PATJ: variants seen among roughly 807,000 people sequenced by gnomAD.
The protein encoded by PATJ is PATJ crumbs cell polarity complex component.
In PATJ, 190 loss-of-function variants were observed where a neutral mutation model predicts 224.9. The ratio of observed to expected loss-of-function variants is 0.84; its 90% confidence interval spans 0.75 to 0.95. PATJ has a LOEUF of 0.95. Ranked by LOEUF, PATJ falls within the 40% of genes least tolerant of loss-of-function variation. PATJ has a pLI of 0.00. For missense variants in PATJ, 2,121 were observed against 2,270.3 expected, an observed-to-expected ratio of 0.93 and a Z score of 1.34; for synonymous variants, 769 against 820.3, an observed-to-expected ratio of 0.94 and a Z score of 1.07.
chr1:62,014,468 A>G (rs1488537643), intron 28 of PATJ, among the ~76,000 whole-genome samples: 1 of 152,150 alleles, frequency 6.6e-6, no homozygotes, highest in Non-Finnish European at 1.5e-5. Context: ...ATACTATTTT[A>G]AAACTTGGTT....
At chr1:61,899,134 G>A (rs568405663) in intron 22 of PATJ, among the ~76,000 whole-genome samples, 33 of 152,170 alleles carry the variant, frequency 2.2e-4, no homozygotes, top group Admixed American at 1.8e-3. Context: ...CAAATGACGG[G>A]GAAATACTTA....
chr1:61,928,791 G>A (rs1235852222), intron 27 of PATJ, among the ~76,000 whole-genome samples: 4 of 149,846 alleles, frequency 2.7e-5, no homozygotes, highest in African/African-American at 7.3e-5. Flanking sequence ...ATATAATAAC[G>A]AATATATAAA....
intron 24 of PATJ, among the ~76,000 whole-genome samples, chr1:61,905,497 T>C (rs1671737194): frequency 6.6e-6 from 1 of 152,258 alleles, no homozygotes; most frequent in Non-Finnish European, 1.5e-5. Context: ...CATTCACCCA[T>C]TGAAAGACAC....
chr1:61,883,688 G>A (rs1378750165), intron 21 of PATJ, among the ~76,000 whole-genome samples: 2 of 150,988 alleles, frequency 1.3e-5, no homozygotes, highest in East Asian at 1.9e-4. Context: ...TCCGGGAGGC[G>A]GAGGTTGCAG....
At chr1:62,088,000 TCC>T in intron 33 of PATJ, among the ~76,000 whole-genome samples, 1 of 146,516 alleles carries the variant, frequency 6.8e-6, no homozygotes, top group Non-Finnish European at 1.5e-5. Flanking sequence ...CAAGCGATTC[TCC>T]TGCCTCAGCC....
chr1:62,033,969 C>T (rs74079637), intron 29 of PATJ, among the ~76,000 whole-genome samples: 3,299 of 152,254 alleles, frequency 0.022, 109 homozygotes, highest in African/African-American at 0.075. Context: ...GCAATGAGGA[C>T]ACACATGCAG....
chr1:62,054,315 A>G (rs1240861549), intron 31 of PATJ: 1 of 431,016 alleles, frequency 2.3e-6, no homozygotes, highest in Admixed American at 2.5e-5. Flanking sequence ...GTAAGCTGTG[A>G]TTGTGCCACT....
chr1:62,082,387 T>A (rs531711650), intron 32 of PATJ, among the ~76,000 whole-genome samples: 5 of 152,244 alleles, frequency 3.3e-5, no homozygotes, highest in Non-Finnish European at 7.3e-5. Context: ...ATTTTTCTGA[T>A]GAGAAGTGAG....
intron 32 of PATJ, among the ~76,000 whole-genome samples, chr1:62,080,186 G>A (rs1017379020): frequency 2.6e-5 from 4 of 152,264 alleles, no homozygotes; most frequent in African/African-American, 9.6e-5. Context: ...CCCTGCAAAT[G>A]TTGCTTTAAG....
intron 27 of PATJ, among the ~76,000 whole-genome samples, chr1:61,929,563 G>C (rs1675710956): frequency 6.6e-6 from 1 of 152,306 alleles, no homozygotes; most frequent in East Asian, 1.9e-4. Flanking sequence ...TACTAACTTT[G>C]TGAAGTTCTA....
At chr1:61,748,765 C>G (rs1645165019) in intron 1 of PATJ, among the ~76,000 whole-genome samples, 1 of 151,818 alleles carries the variant, frequency 6.6e-6, no homozygotes, top group South Asian at 2.1e-4. Flanking sequence ...CACAAGGGTT[C>G]CTCCCACCTC....
intron 34 of PATJ, among the ~76,000 whole-genome samples, chr1:62,111,884 A>G (rs1663864840): frequency 6.7e-6 from 1 of 149,352 alleles, no homozygotes; most frequent in Admixed American, 6.7e-5. Flanking sequence ...CTGGTCTTGA[A>G]CTCCTGACCT....
intron 1 of PATJ, among the ~76,000 whole-genome samples, chr1:61,758,402 G>A (rs1179817894): frequency 6.6e-6 from 1 of 152,144 alleles, no homozygotes; most frequent in Non-Finnish European, 1.5e-5. Flanking sequence ...AGGCTGGAGT[G>A]CAGTGGCATG....
chr1:61,922,336 G>A (rs1482124602), intron 26 of PATJ, among the ~76,000 whole-genome samples: 2 of 152,120 alleles, frequency 1.3e-5, no homozygotes, highest in Non-Finnish European at 2.9e-5. Flanking sequence ...GAGCCACCAT[G>A]CCTGGCCAGT....
intron 31 of PATJ, among the ~76,000 whole-genome samples, chr1:62,057,175 T>C (rs562069253): frequency 2.6e-4 from 40 of 152,242 alleles, no homozygotes; most frequent in African/African-American, 8.9e-4. Flanking sequence ...TGCTTCGTGC[T>C]AAGAGAGCGT....
intron 15 of PATJ, among the ~76,000 whole-genome samples, chr1:61,825,148 C>T (rs1000747003): frequency 6.6e-6 from 1 of 152,076 alleles, no homozygotes; most frequent in South Asian, 2.1e-4. Flanking sequence ...AATGAAATAC[C>T]ATCCATGTAA....
At chr1:61,787,570 G>A (rs1358496274) in intron 7 of PATJ, among the ~76,000 whole-genome samples, 184 bp from the exon 8 acceptor site, 1 of 152,022 alleles carries the variant, frequency 6.6e-6, no homozygotes, top group African/African-American at 2.4e-5. Context: ...ATTCCTTTGT[G>A]TTCTACATGA....
intron 42 of PATJ, among the ~76,000 whole-genome samples, chr1:62,149,371 G>A (rs1668395166): frequency 6.6e-6 from 1 of 152,128 alleles, no homozygotes; most frequent in South Asian, 2.1e-4. Context: ...CTCAATAAAT[G>A]TTTGTTGACA....
At chr1:61,842,023 A>G (rs1167469011) in intron 17 of PATJ, among the ~76,000 whole-genome samples, 2 of 152,086 alleles carry the variant, frequency 1.3e-5, no homozygotes, top group Non-Finnish European at 2.9e-5. Context: ...CTACTGGGGA[A>G]ATTCTCTCAT....
Sources: allele counts gnomAD v4.1 joint callset (sites outside exome capture counted in the v4.1 genomes callset), GRCh38; gene constraint gnomAD v4.1.1; transcripts MANE v1.5; gene names NCBI Gene and HGNC (gene_info 2026-07-23, HGNC 2026-07-21).